TRABD2B: variants seen among roughly 807,000 people sequenced by gnomAD.
The protein encoded by TRABD2B is metalloprotease TIKI2.
A neutral mutation model predicts 40.1 loss-of-function variants in TRABD2B; 14 were observed. The observed-to-expected ratio is 0.35, with a 90% CI of 0.23 to 0.55. The LOEUF (loss-of-function observed/expected upper bound fraction) is 0.55, where lower values mean the gene tolerates loss of function less well. Ranked by LOEUF, TRABD2B falls within the 20% of genes least tolerant of loss-of-function variation. The pLI, the probability that TRABD2B is intolerant of heterozygous loss-of-function variation, is 0.90. For missense variants in TRABD2B, 541 were observed against 648.6 expected (o/e 0.83, Z 1.80); for synonymous variants, 263 against 277.0 (o/e 0.95, Z 0.50).
intron 2 of TRABD2B, among the ~76,000 whole-genome samples, chr1:47,955,865 T>C (rs1645413199): frequency 6.6e-6 from 1 of 152,148 alleles, no homozygotes; most frequent in Non-Finnish European, 1.5e-5. Flanking sequence ...GGACAGATAG[T>C]CTGGCTACCA....
intron 2 of TRABD2B, among the ~76,000 whole-genome samples, chr1:47,913,505 A>G (rs1369691000): frequency 6.6e-6 from 1 of 152,218 alleles, no homozygotes; most frequent in Non-Finnish European, 1.5e-5. Flanking sequence ...CTTTGTCCCC[A>G]GACAAAGGTG....
chr1:47,981,000 CTCTTTTCTTTTT>C (rs1645833119), intron 2 of TRABD2B, among the ~76,000 whole-genome samples: 3 of 152,098 alleles, frequency 2.0e-5, no homozygotes, highest in African/African-American at 7.2e-5. Flanking sequence ...GTCACATTCC[CTCTTTTCTTTTT>C]TCTTTTCTTT....
At position 47,862,198 on chromosome 1, in the gene TRABD2B, C is replaced by A. The variant is rs115607271; in HGVS notation, c.667-60579G>T. Reference sequence around the variant, plus strand: ...AAGATCAGGAACAAAGCAAGGATGTCCTGTCTTATAATTCCTTTTCAACAC... The same window carrying A: ...AAGATCAGGAACAAAGCAAGGATGTACTGTCTTATAATTCCTTTTCAACAC... On this transcript the variant is annotated intron_variant, in intron 2 of 6. Transcript: ENST00000606738. Among the ~76,000 whole-genome samples, 678 of 152,252 alleles carry A rather than the reference C, an allele frequency of 4.5e-3. 6 individuals are homozygous for A. The highest frequency in any genetic ancestry group is 0.016 in the African/African-American group (665 of 41,544).
At chr1:47,925,439 TC>T (rs5773973) in intron 2 of TRABD2B, among the ~76,000 whole-genome samples, 70,972 of 151,994 alleles carry the variant, frequency 0.47, 18,133 homozygotes, top group Middle Eastern at 0.62. Flanking sequence ...AGAACTGACC[TC>T]CAAAGAAATG....
intron 6 of TRABD2B, among the ~76,000 whole-genome samples, chr1:47,774,162 C>T (rs1334074143): frequency 1.3e-5 from 2 of 152,172 alleles, no homozygotes; most frequent in Non-Finnish European, 2.9e-5. Context: ...TACATGAGGT[C>T]TGCGGTGGGG....
chr1:47,900,361 G>T (rs1008181928), intron 2 of TRABD2B, among the ~76,000 whole-genome samples: 2 of 152,146 alleles, frequency 1.3e-5, no homozygotes, highest in Admixed American at 6.5e-5. Context: ...GGCAGGAACC[G>T]AGCAAGTGCC....
rs540469774 is a variant in TRABD2B at position 47,863,343 on chromosome 1, C to T, written c.667-61724G>A. Among the ~76,000 whole-genome samples, 125 of 83,240 alleles carry T rather than the reference C, an allele frequency of 1.5e-3. 1 individual carries two copies. Among genetic ancestry groups the T allele is most frequent in the African/African-American group, 4.1e-3 (95 of 23,212 alleles). 54.6% of individuals were successfully genotyped at this position (83,240 alleles called of 152,430 possible). A position where few individuals can be genotyped will look rare whatever the true frequency, so the allele number is the denominator to read the frequency against. On this transcript the variant is annotated intron_variant, in intron 2 of 6. Transcript: ENST00000606738. The stretch of plus-strand genomic sequence containing the variant: ...AAATATATATATATATATAGGATAA[C>T]TGGATAATTGGATATATCCTATATA...
intron 2 of TRABD2B, among the ~76,000 whole-genome samples, chr1:47,876,226 T>C (rs1035581091): frequency 7.9e-5 from 12 of 152,158 alleles, no homozygotes; most frequent in African/African-American, 2.4e-4. Context: ...GTGGGGAGCA[T>C]AACCCTGAGA....
At chr1:47,945,270 C>T (rs1004918904) in intron 2 of TRABD2B, among the ~76,000 whole-genome samples, 1 of 152,090 alleles carries the variant, frequency 6.6e-6, no homozygotes, top group African/African-American at 2.4e-5. Context: ...TTGGATTGGA[C>T]ATGGATGTAG....
At chr1:47,969,446 C>T (rs776349305) in intron 2 of TRABD2B, among the ~76,000 whole-genome samples, 1 of 152,214 alleles carries the variant, frequency 6.6e-6, no homozygotes, top group Non-Finnish European at 1.5e-5. Flanking sequence ...AGCAGTGATT[C>T]ACTCAAGGAC....
chr1:47,840,679 C>G (rs1158154790), intron 2 of TRABD2B, among the ~76,000 whole-genome samples: 3 of 152,216 alleles, frequency 2.0e-5, no homozygotes, highest in Non-Finnish European at 4.4e-5. Context: ...CAGGCCCCCC[C>G]AGGTCCTGAC....
intron 2 of TRABD2B, among the ~76,000 whole-genome samples, chr1:47,891,364 C>T (rs6666907): frequency 6.6e-6 from 1 of 151,912 alleles, no homozygotes; most frequent in Non-Finnish European, 1.5e-5. Flanking sequence ...AGAGAGTAAG[C>T]GGGGCTACTA....
rs999694521 is a variant in TRABD2B at position 47,962,155 on chromosome 1, T to C, written c.666+31879A>G. 3.0e-4 allele frequency among the ~76,000 whole-genome samples: 46 copies of C among 151,570 alleles called. 1 individual carries two copies. The highest frequency in any genetic ancestry group is 1.7e-3 in the South Asian group (8 of 4,766). ...ACATGTTCTCACTCATAGGTGGGAA[T>C]TGAACAATGAGAACACTTGGACACG... is the stretch of plus-strand genomic sequence containing the variant. On this transcript the variant is annotated intron_variant, in intron 2 of 6. Transcript: ENST00000606738.
intron 2 of TRABD2B, among the ~76,000 whole-genome samples, chr1:47,822,751 T>C (rs1198596584): frequency 6.6e-6 from 1 of 152,218 alleles, no homozygotes. Flanking sequence ...GTGATGATAA[T>C]TTGTAGCATT....
intron 4 of TRABD2B, among the ~76,000 whole-genome samples, chr1:47,779,177 T>A (rs1644487089): frequency 6.6e-6 from 1 of 152,204 alleles, no homozygotes; most frequent in Non-Finnish European, 1.5e-5. Context: ...CACAGACTCA[T>A]CCACCTAGTA....
intron 2 of TRABD2B, among the ~76,000 whole-genome samples, chr1:47,816,316 C>T (rs12076063): frequency 0.31 from 47,487 of 151,982 alleles, 7,783 homozygotes; most frequent in Non-Finnish European, 0.37. Context: ...ACGGCACTCT[C>T]CCAGGCTCAA....
At chr1:47,784,776 C>T (rs1394877605) in intron 4 of TRABD2B, among the ~76,000 whole-genome samples, 1 of 152,238 alleles carries the variant, frequency 6.6e-6, no homozygotes, top group African/African-American at 2.4e-5. Context: ...TTCCTTTCTC[C>T]TGCTTTGCAG....
chr1:47,905,852 G>A, intron 2 of TRABD2B, among the ~76,000 whole-genome samples: 1 of 152,186 alleles, frequency 6.6e-6, no homozygotes, highest in East Asian at 1.9e-4. Context: ...AGAGCGAGAA[G>A]TGGAAGGCAA....
Position 47,770,110 on chromosome 1 carries a change from C to T in TRABD2B, c.1350-4004G>A, listed in dbSNP as rs79473818. ...ATCTGGGCATCCCAAGCCTTCTTGC[C>T]GGTACAAGGGGCTGGTGGGCTGTAC... On this transcript the variant is annotated intron_variant, in intron 6 of 6. Transcript: ENST00000606738. Among the ~76,000 whole-genome samples the T allele has an allele frequency of 6.1e-3, 924 of 152,232 alleles. 14 individuals carry two copies. The highest frequency in any genetic ancestry group is 0.02 in the African/African-American group (845 of 41,548).
Sources: allele counts gnomAD v4.1 joint callset (sites outside exome capture counted in the v4.1 genomes callset), GRCh38; gene constraint gnomAD v4.1.1; transcripts MANE v1.5; gene names NCBI Gene and HGNC (gene_info 2026-07-23, HGNC 2026-07-21).